The following UBR4 variants were observed in gnomAD, a reference collection of about 807,000 sequenced individuals.
UBR4 encodes the protein ubiquitin protein ligase E3 component n-recognin 4.
Under a neutral mutation model 575.6 loss-of-function variants are expected in UBR4, and 124 were observed. The ratio of observed to expected loss-of-function variants is 0.22; its 90% CI spans 0.19 to 0.25. UBR4 has a LOEUF of 0.25. Among genes scored for constraint, UBR4 ranks in the 10% least tolerant of loss-of-function variants. The pLI, the probability that UBR4 is intolerant of heterozygous loss-of-function variation, is 1.00. For missense variants in UBR4, 4,818 were observed against 6,478.8 expected (o/e 0.74, Z 8.80); for synonymous variants, 2,455 against 2,473.7 (o/e 0.99, Z 0.22).
rs2086250220 is a variant in UBR4 at position 19,154,984 on chromosome 1, G to A, written c.6392C>T (p.Ser2131Leu). ...TGTCCTGCTGATGGTGGCTGCGAAT[G>A]ATTTGCCTTGACAATAGCTGAAGAA... Reference protein sequence around the residue: ...MLFFSYCQGKSFAATISRTTL... With the variant: ...MLFFSYCQGKLFAATISRTTL... Residue 2131 changes from serine to leucine, a missense_variant, in exon 44 of 106, where the codon TCA becomes TTA. By Grantham distance (145) the Ser-to-Leu change is moderately radical. Around this residue, in one of 29 missense-constraint regions of UBR4, gnomAD observed 461 missense variants for 606.9 expected, o/e 0.76. Transcript: ENST00000375254. 1.2e-6 allele frequency: 2 copies of A among 1,614,182 alleles called. No individual in the cohort carries two copies. The highest frequency in any genetic ancestry group is 1.1e-5 in the South Asian group (1 of 91,080).
intron 17 of UBR4, among the ~76,000 whole-genome samples, chr1:19,180,658 C>A (rs138090592): frequency 0.015 from 2,303 of 151,730 alleles, 25 homozygotes; most frequent in Non-Finnish European, 0.025. Flanking sequence ...CGTACCTAGC[C>A]ATATATATGG....
intron 74 of UBR4, 107 bp downstream of exon 74, chr1:19,115,291 A>C (rs2080396924): frequency 1.4e-6 from 2 of 1,470,346 alleles, no homozygotes; most frequent in East Asian, 4.8e-5. Flanking sequence ...ATAATTCTCT[A>C]AATGTTCTGA....
intron 105 of UBR4, among the ~76,000 whole-genome samples, chr1:19,075,955 G>A (rs75248310): frequency 0.017 from 2,659 of 152,286 alleles, 80 homozygotes; most frequent in African/African-American, 0.061. Flanking sequence ...TTACCTGTGC[G>A]TTGGCTCTGG....
chr1:19,095,017 T>C lies in UBR4; in HGVS notation c.13635A>G (p.Val4545=). 1 of 1,614,160 alleles carries C rather than the reference T, an allele frequency of 6.2e-7. No homozygotes were observed. The stretch of plus-strand genomic sequence containing the variant: ...CACTGTCCTTGCTTTCTTGTTCAGC[T>C]ACAAGGGCCTGTAGGAGAAGGAGAC... ...VMLGTLNLAL[V]AEQESKDSGG... is the part of the protein sequence containing the mutation. Residue 4545 remains valine, a synonymous_variant, in exon 94 of 106, where the codon GTA becomes GTG. Transcript: ENST00000375254.
intron 22 of UBR4, among the ~76,000 whole-genome samples, chr1:19,174,079 G>T (rs138223957): frequency 6.6e-6 from 1 of 150,626 alleles, no homozygotes; most frequent in East Asian, 1.9e-4. Context: ...ATAGCACTTG[G>T]GGGGGGACCA....
At chr1:19,202,803 C>G (rs536501920) in intron 1 of UBR4, among the ~76,000 whole-genome samples, 17 of 152,220 alleles carry the variant, frequency 1.1e-4, no homozygotes, top group African/African-American at 4.1e-4. Flanking sequence ...GGCACGGTGG[C>G]TGGCCGGGTG....
chr1:19,191,759 TC>T (rs746684297), intron 11 of UBR4, among the ~76,000 whole-genome samples: 1 of 152,148 alleles, frequency 6.6e-6, no homozygotes, highest in African/African-American at 2.4e-5. Context: ...ATTGGTCATA[TC>T]TCTTCTTTCA....
Position 19,197,847 on chromosome 1 carries a change from C to T in UBR4, c.752-36G>A, listed in dbSNP as rs1265605106. On this transcript the variant is annotated intron_variant, in intron 6 of 105. Coordinates refer to ENST00000375254, the MANE Select transcript of UBR4 (RefSeq NM_020765.3). ...GAAAACCACAACCTTACAAACAGGC[C>T]TTTGTCTGATGCTTGATTCTTATCC... The T allele has an allele frequency of 5.6e-6, 9 of 1,613,150 alleles. No individual in the cohort carries two copies. The African/African-American group carries it at 1.2e-4, about 22-fold the overall frequency.
chr1:19,144,941 G>A, intron 53 of UBR4, 34 bp from the exon 54 acceptor site: 1 of 1,609,938 alleles, frequency 6.2e-7, no homozygotes, highest in South Asian at 1.1e-5. Flanking sequence ...TGAAAATCTG[G>A]AGGAAAAAAC....
Position 19,126,477 on chromosome 1 carries a change from A to G in UBR4, c.9407T>C (p.Met3136Thr). The G allele has an allele frequency of 6.2e-7, 1 of 1,614,204 alleles. No homozygotes were observed. Among genetic ancestry groups the G allele is most frequent in the Non-Finnish European group, 8.5e-7 (1 of 1,180,024 alleles). Residue 3136 changes from methionine to threonine, a missense_variant, in exon 64 of 106, where the codon ATG (methionine) becomes ACG (threonine). This residue lies in a region of UBR4 where 550 missense variants were observed against 791.5 expected (regional missense o/e 0.69). Transcript: ENST00000375254. ...KPHTTSSPPD[M>T]SPFFLRQYVK... Reference sequence around the variant, plus strand: ...ATACTGGCGGAGAAAGAATGGGCTCATGTCAGGTGGGGAGGAGGTAGTATG... The same window carrying G: ...ATACTGGCGGAGAAAGAATGGGCTCGTGTCAGGTGGGGAGGAGGTAGTATG...
rs772165992 is a variant in UBR4, at chr1:19,193,488, G to A, written c.1088C>T (p.Thr363Met). ...GSAQQVRTGS[T>M]SSKEDDYESD... ...TTCATAGTCATCTTCTTTGGAGCTC[G>A]TGGACCCTGTCCGCACTTGCTGGGC... Residue 363 changes from threonine (T) to methionine (M), a missense_variant, in exon 9 of 106, where the codon ACG (threonine) becomes ATG (methionine). Coordinates refer to ENST00000375254, the MANE Select transcript of UBR4 (RefSeq NM_020765.3). The A allele has an allele frequency of 7.4e-6, 12 of 1,613,940 alleles. No homozygotes were observed. Among genetic ancestry groups the A allele is most frequent in the East Asian group, 4.5e-5 (2 of 44,894 alleles).
chr1:19,194,940 G>A (rs12743639), intron 8 of UBR4, among the ~76,000 whole-genome samples: 20,339 of 151,362 alleles, frequency 0.13, 1,461 homozygotes, highest in Middle Eastern at 0.2. Flanking sequence ...TAGCAAGACT[G>A]TATTTCTTAA....
At chr1:19,149,935 T>A (rs1287543672) in intron 49 of UBR4, 10 of 486,524 alleles carry the variant, frequency 2.1e-5, no homozygotes, top group Middle Eastern at 3.6e-4. Context: ...AGGAGGCTGG[T>A]GGTGGGAGGC....
At chr1:19,169,183 T>C (rs907692482) in intron 27 of UBR4, among the ~76,000 whole-genome samples, 16 of 152,188 alleles carry the variant, frequency 1.1e-4, no homozygotes, top group Admixed American at 1.0e-3. Context: ...CAATATTCAA[T>C]TGGTGAAGAA....
rs753920857 is a variant in UBR4 at position 19,177,576 on chromosome 1, C to T, written c.2522G>A (p.Ser841Asn). 2 of 1,613,748 alleles carry T rather than the reference C, an allele frequency of 1.2e-6. No individual in the cohort carries two copies. The highest frequency in any genetic ancestry group is 2.7e-5 in the African/African-American group (2 of 74,838). ...GCGCATCTGAGCATCCATGTTGACG[C>T]TCAACTCCTGGATGATCTGGACAAA... ...SLFVQIIQEL[S>N]VNMDAQMRFV... The change falls in exon 19 of 106, where the codon AGC becomes AAC. Residue 841 changes from serine to asparagine, a missense_variant. Ser to Asn is a conservative substitution (Grantham distance 46, BLOSUM62 1). Coordinates refer to ENST00000375254, the MANE Select transcript of UBR4 (RefSeq NM_020765.3).
chr1:19,197,873 A>G lies in UBR4; in HGVS notation c.752-62T>C, dbSNP rs564229416. ...TTTGTCTGATGCTTGATTCTTATCC[A>G]TATGACAGAAGCACACTTAAGGAAT... is the stretch of plus-strand genomic sequence containing the variant. On this transcript the variant is annotated intron_variant, in intron 6 of 105. Transcript: ENST00000375254. The G allele has an allele frequency of 1.6e-5, 25 of 1,612,446 alleles. No individual in the cohort carries two copies. The South Asian group carries it at 2.6e-4, about 17-fold the overall frequency.
intron 49 of UBR4, among the ~76,000 whole-genome samples, chr1:19,149,239 C>T (rs2085311144): frequency 6.6e-6 from 1 of 152,104 alleles, no homozygotes; most frequent in Non-Finnish European, 1.5e-5. Flanking sequence ...TAACATGCTC[C>T]CCAGGGTTTA....
At chr1:19,189,227 T>C (rs2091842350) in intron 11 of UBR4, among the ~76,000 whole-genome samples, 1 of 151,824 alleles carries the variant, frequency 6.6e-6, no homozygotes, top group Non-Finnish European at 1.5e-5. Flanking sequence ...AGCACACAGC[T>C]GGTGTCAATG....
chr1:19,110,225 T>C lies in UBR4; in HGVS notation c.11978-2A>G. 6.2e-7 allele frequency: 1 copy of C among 1,614,162 alleles called. No individual in the cohort carries two copies. The highest frequency in any genetic ancestry group is 8.5e-7 in the Non-Finnish European group (1 of 1,180,020). ...CAGCCATGAGGAAAAGGCTGAGAGC[T>C]AGGGATGGTCAGGAAAGGCAGAGTC... On this transcript the variant is annotated splice_acceptor_variant, in intron 80 of 105. Transcript: ENST00000375254. LOFTEE classifies it high-confidence loss of function. The surrounding 1 kb of genome is among the most constrained non-coding windows in gnomAD (Gnocchi z 4.5).
Sources: gnomAD v4.1 joint callset for allele counts (sites outside exome capture counted in the v4.1 genomes callset) on GRCh38, gnomAD v4.1.1 for gene constraint, gnomAD v4.1.1 regional missense constraint, Gnocchi (gnomAD v3.1) non-coding constraint, MANE v1.5 for transcripts, NCBI Gene and HGNC (gene_info 2026-07-23, HGNC 2026-07-21) for gene names.